BCL2: variants seen among roughly 807,000 people sequenced by gnomAD.
The protein encoded by BCL2 is apoptosis regulator Bcl-2.
Under a neutral mutation model 14.2 loss-of-function variants are expected in BCL2, and 1 was observed. The observed-to-expected ratio is 0.07, with a 90% CI of 0.02 to 0.33. BCL2 has a LOEUF of 0.33. Ranked by LOEUF, BCL2 falls within the 10% of genes least tolerant of loss-of-function variation. BCL2 has a pLI of 0.99. For missense variants in BCL2, 247 were observed against 305.9 expected, an observed-to-expected ratio of 0.81 and a Z score of 1.44; for synonymous variants, 151 against 137.2, an observed-to-expected ratio of 1.10 and a Z score of -0.70.
At chr18:63,228,284 C>T (rs540962301) in intron 2 of BCL2, among the ~76,000 whole-genome samples, 7 of 152,274 alleles carry the variant, frequency 4.6e-5, no homozygotes, top group Admixed American at 3.9e-4. Flanking sequence ...GGAGCTTCTG[C>T]GTATGAATTT....
At chr18:63,305,191 G>A (rs1199592836) in intron 2 of BCL2, among the ~76,000 whole-genome samples, 1 of 152,230 alleles carries the variant, frequency 6.6e-6, no homozygotes, top group Non-Finnish European at 1.5e-5. Context: ...AAAGTAACCA[G>A]AAACAAAAGA....
chr18:63,142,571 A>T (rs551753344), intron 2 of BCL2, among the ~76,000 whole-genome samples: 2 of 152,262 alleles, frequency 1.3e-5, no homozygotes, highest in African/African-American at 4.8e-5. Flanking sequence ...TCTTACTCAG[A>T]TCCCAGCTCC....
chr18:63,269,494 T>G (rs901861235), intron 2 of BCL2, among the ~76,000 whole-genome samples: 1 of 152,176 alleles, frequency 6.6e-6, no homozygotes, highest in Non-Finnish European at 1.5e-5. Context: ...AAATAGTCAT[T>G]AAAATTTGCC....
intron 2 of BCL2, among the ~76,000 whole-genome samples, chr18:63,202,004 A>G (rs1025062345): frequency 5.3e-5 from 8 of 152,192 alleles, no homozygotes; most frequent in African/African-American, 1.9e-4. Flanking sequence ...ACAATGAAAA[A>G]AAGGAAATAA....
intron 2 of BCL2, among the ~76,000 whole-genome samples, chr18:63,254,383 T>TAAAAAA (rs71162613): frequency 0.022 from 863 of 38,410 alleles, 222 homozygotes; most frequent in East Asian, 0.045. Context: ...CTGTCTTTGC[T>TAAAAAA]AAAAAAAAAA....
intron 2 of BCL2, among the ~76,000 whole-genome samples, chr18:63,180,073 G>A (rs1413822210): frequency 6.6e-6 from 1 of 152,162 alleles, no homozygotes; most frequent in African/African-American, 2.4e-5. Context: ...TAAGCACTAT[G>A]CTTCACCTGA....
intron 2 of BCL2, among the ~76,000 whole-genome samples, chr18:63,312,349 A>T (rs2144308743): frequency 6.6e-6 from 1 of 152,352 alleles, no homozygotes; most frequent in Non-Finnish European, 1.5e-5. Flanking sequence ...ATAATCATTC[A>T]ATCCTTATTC....
chr18:63,126,042 C>T lies in BCL2; in HGVS notation c.*2583G>A, dbSNP rs1049038131. On this transcript the variant is annotated 3_prime_UTR_variant, in exon 3 of 3. Transcript: ENST00000333681. ...TAAAGCAGCTTGGAGGATCTTACCA[C>T]GTGGAGCATACTGCAAACTGACTCC... The T allele has an allele frequency of 1.4e-5, 3 of 218,508 alleles. No homozygotes were observed. The highest frequency in any genetic ancestry group is 4.5e-5 in the African/African-American group (2 of 44,406). The allele number at this position is 218,508 out of a possible 1,614,324, so 13.5% of individuals were successfully genotyped here.
In BCL2 at chr18:63,123,817, A is replaced by G. The variant is rs56041624; in HGVS notation, c.*4808T>C. The G allele has an allele frequency of 5.1e-5, 11 of 217,750 alleles. No individual in the cohort carries two copies. The highest frequency in any genetic ancestry group is 8.3e-5 in the Non-Finnish European group (9 of 108,272). 13.5% of individuals were successfully genotyped at this position (217,750 alleles called of 1,614,324 possible). A position where few individuals can be genotyped will look rare whatever the true frequency, so the allele number is the denominator to read the frequency against. The stretch of plus-strand genomic sequence containing the variant: ...TACCTTGGAGGGAAAAACTTAATGA[A>G]ATGAGCTATCTGGAGGGCCCACGGC... On this transcript the variant is annotated 3_prime_UTR_variant, in exon 3 of 3. Coordinates refer to ENST00000333681, the MANE Select transcript of BCL2 (RefSeq NM_000633.3).
intron 2 of BCL2, among the ~76,000 whole-genome samples, chr18:63,221,752 T>C (rs1382937118): frequency 2.6e-5 from 4 of 152,222 alleles, no homozygotes; most frequent in Non-Finnish European, 5.9e-5. Flanking sequence ...GAGCAGAACA[T>C]TCCCTTGTAT....
At chr18:63,317,611 T>C (rs1339457118) in intron 2 of BCL2, 5 of 1,000,340 alleles carry the variant, frequency 5.0e-6, no homozygotes, top group Non-Finnish European at 6.0e-6. Context: ...AATCGGGTTG[T>C]TCTCCAATTT....
rs200469950 is a variant in BCL2, at chr18:63,167,617, C to CA, written c.586-38859dup. Reference sequence around the variant, plus strand: ...CAACATAGCAAGACCTCCATCTCTACAAAAAAAATTAAGAATTAGCCGGAT... The same window carrying CA: ...CAACATAGCAAGACCTCCATCTCTACAAAAAAAAATTAAGAATTAGCCGGAT... On this transcript the variant is annotated intron_variant, in intron 2 of 2. Transcript: ENST00000333681. 6.5e-4 allele frequency among the ~76,000 whole-genome samples: 98 copies of CA among 151,650 alleles called. No individual in the cohort carries two copies. In the East Asian group the frequency reaches 0.017, roughly 26 times the overall value.
chr18:63,222,222 C>T lies in BCL2; in HGVS notation c.586-93463G>A, dbSNP rs188882055. On this transcript the variant is annotated intron_variant, in intron 2 of 2. Coordinates refer to ENST00000333681, the MANE Select transcript of BCL2 (RefSeq NM_000633.3). ...TTGGGAGGCAGAGGTTTCAGTGAGC[C>T]GAGATCGCACCACTGCACTCCAGCC... is the stretch of plus-strand genomic sequence containing the variant. 9.4e-4 allele frequency among the ~76,000 whole-genome samples: 134 copies of T among 143,302 alleles called. 2 individuals are homozygous for T. Among genetic ancestry groups the T allele is most frequent in the Admixed American group, 6.6e-4 (9 of 13,560 alleles). 94.0% of individuals were successfully genotyped at this position (143,302 alleles called of 152,430 possible).
At chr18:63,281,696 G>GA (rs769517315) in intron 2 of BCL2, among the ~76,000 whole-genome samples, 4 of 134,870 alleles carry the variant, frequency 3.0e-5, no homozygotes, top group Non-Finnish European at 6.5e-5. Flanking sequence ...AAGAAAGAAA[G>GA]AAAGAAAGAA....
chr18:63,140,727 G>A (rs564628442), intron 2 of BCL2, among the ~76,000 whole-genome samples: 2 of 152,342 alleles, frequency 1.3e-5, no homozygotes, highest in African/African-American at 4.8e-5. Context: ...TTAGCTAAGG[G>A]TGATGGCTGT....
chr18:63,269,146 G>T (rs895003849), intron 2 of BCL2, among the ~76,000 whole-genome samples: 6 of 151,712 alleles, frequency 4.0e-5, no homozygotes, highest in African/African-American at 1.2e-4. Context: ...TAGAGATGGG[G>T]TCTCACTATG....
chr18:63,232,141 A>T (rs192117911), intron 2 of BCL2, among the ~76,000 whole-genome samples: 5 of 152,260 alleles, frequency 3.3e-5, no homozygotes, highest in African/African-American at 7.2e-5. Flanking sequence ...TCACTAACTC[A>T]CACTATATCC....
intron 2 of BCL2, among the ~76,000 whole-genome samples, chr18:63,245,006 C>T (rs757156749): frequency 6.6e-6 from 1 of 152,224 alleles, no homozygotes; most frequent in Non-Finnish European, 1.5e-5. Flanking sequence ...CTTGCCTCCA[C>T]ACACAAAAGG....
intron 2 of BCL2, among the ~76,000 whole-genome samples, chr18:63,232,626 A>G (rs930888907): frequency 1.3e-5 from 2 of 152,256 alleles, no homozygotes; most frequent in African/African-American, 4.8e-5. Flanking sequence ...GCAAATTTTA[A>G]AAGCCCAACA....
Sources: allele counts gnomAD v4.1 joint callset (sites outside exome capture counted in the v4.1 genomes callset), GRCh38; gene constraint gnomAD v4.1.1; transcripts MANE v1.5; gene names NCBI Gene and HGNC (gene_info 2026-07-23, HGNC 2026-07-21).